Variants in ARHGEF37 observed in about 807,000 individuals in gnomAD.
ARHGEF37 encodes Rho guanine nucleotide exchange factor 37.
A neutral mutation model predicts 71.1 loss-of-function variants in ARHGEF37; 55 were observed. That is an observed-to-expected ratio of 0.77 (90% CI 0.62 to 0.97). The LOEUF (loss-of-function observed/expected upper bound fraction) is 0.97. Ranked by LOEUF, ARHGEF37 falls within the 50% of genes least tolerant of loss-of-function variation. ARHGEF37 has a pLI of 0.00. For missense variants in ARHGEF37, 765 were observed against 836.8 expected, an observed-to-expected ratio of 0.91 and a Z score of 1.06; for synonymous variants, 327 against 350.6, an observed-to-expected ratio of 0.93 and a Z score of 0.75.
At position 149,616,657 on chromosome 5, in the gene ARHGEF37, G is replaced by A; in HGVS notation, c.549G>A (p.Leu183=). ...ACCCACTGCTGCTGCAGAAAATCCT[G>A]GAGAACACAGTCCCTGATGCCAGTG... The part of the protein sequence containing the change: ...TRYPLLLQKI[L]ENTVPDASAY... The change falls in exon 5 of 13, where the codon CTG becomes CTA. Residue 183 remains leucine (L), a synonymous_variant. Transcript: ENST00000333677. The A allele has an allele frequency of 1.2e-6, 2 of 1,613,850 alleles. No homozygotes were observed. Among genetic ancestry groups the A allele is most frequent in the Non-Finnish European group, 1.7e-6 (2 of 1,179,906 alleles).
chr5:149,577,145 C>A (rs960095132), upstream of ARHGEF37, among the ~76,000 whole-genome samples: 3 of 152,038 alleles, frequency 2.0e-5, no homozygotes, highest in East Asian at 5.8e-4. Flanking sequence ...TAATCTTGGA[C>A]AACTTACTTA....
At chr5:149,623,949 C>A (rs1561808808) in intron 9 of ARHGEF37, 63 bp from the exon 10 acceptor site, 2 of 1,525,528 alleles carry the variant, frequency 1.3e-6, no homozygotes, top group Non-Finnish European at 1.8e-6. Context: ...AAACCCAAAG[C>A]AAGCCAGGGA....
chr5:149,624,616 A>T (rs1752628766), intron 10 of ARHGEF37, among the ~76,000 whole-genome samples: 1 of 145,020 alleles, frequency 6.9e-6, no homozygotes, highest in Admixed American at 6.9e-5. Context: ...TCTACTAAAA[A>T]TACAAAAATT....
At chr5:149,600,565 T>TA (rs1417418293) in intron 2 of ARHGEF37, among the ~76,000 whole-genome samples, 1 of 152,166 alleles carries the variant, frequency 6.6e-6, no homozygotes, top group African/African-American at 2.4e-5. Flanking sequence ...AGACCTAGGC[T>TA]AAAACCCCGG....
In ARHGEF37 at chr5:149,618,323, G is replaced by A. The variant is rs1326050138; in HGVS notation, c.789+17G>A. The A allele has an allele frequency of 6.2e-7, 1 of 1,613,966 alleles. No individual in the cohort carries two copies. The highest frequency in any genetic ancestry group is 1.3e-5 in the African/African-American group (1 of 75,050). The stretch of plus-strand genomic sequence containing the variant: ...ATCCCCAGGGTGAGCGTGCGCCTGG[G>A]AGGAAGAGTCACATCCAGCCACCCC... On this transcript the variant is annotated intron_variant, in intron 6 of 12. Coordinates refer to ENST00000333677, the MANE Select transcript of ARHGEF37 (RefSeq NM_001001669.3).
chr5:149,621,967 A>C lies in ARHGEF37; in HGVS notation c.1240A>C (p.Met414Leu). ...AELPQFNQLV[M>L]QWLGQIMCTF... Reference sequence around the variant, plus strand: ...GCTCCCACAGTTTAACCAGCTGGTCATGCAGTGGCTGGGCCAGATCATGTG... The same window carrying C: ...GCTCCCACAGTTTAACCAGCTGGTCCTGCAGTGGCTGGGCCAGATCATGTG... The change falls in exon 9 of 13, where the codon ATG (methionine) becomes CTG (leucine). Residue 414 changes from methionine (M) to leucine (L), a missense_variant. Around this residue, in one of 5 missense-constraint regions of ARHGEF37, gnomAD observed 390 missense variants for 407.4 expected, o/e 0.96. Transcript: ENST00000333677. 1 of 1,614,230 alleles carries C rather than the reference A, an allele frequency of 6.2e-7. No homozygotes were observed. The highest frequency in any genetic ancestry group is 1.7e-5 in the Admixed American group (1 of 60,030).
chr5:149,619,149 C>A (rs1752463521), intron 7 of ARHGEF37, 107 bp downstream of exon 7: 5 of 857,680 alleles, frequency 5.8e-6, no homozygotes, highest in Non-Finnish European at 7.9e-6. Flanking sequence ...GCCTCAGAAA[C>A]CAACCAGATG....
At chr5:149,556,463 C>G (rs1446175334) in intron 1 of ARHGEF37, among the ~76,000 whole-genome samples, 2 of 152,110 alleles carry the variant, frequency 1.3e-5, no homozygotes, top group African/African-American at 2.4e-5. Context: ...TTTTGCCTCA[C>G]TGCAACCTTC....
chr5:149,568,467 A>G (rs1580883108), intron 1 of ARHGEF37, among the ~76,000 whole-genome samples: 1 of 152,288 alleles, frequency 6.6e-6, no homozygotes, highest in South Asian at 2.1e-4. Flanking sequence ...GAAACATACA[A>G]TGTTAGGTGT....
intron 1 of ARHGEF37, among the ~76,000 whole-genome samples, chr5:149,561,026 G>A (rs1762821836): frequency 6.6e-6 from 1 of 152,132 alleles, no homozygotes; most frequent in African/African-American, 2.4e-5. Context: ...TGTAATCCCA[G>A]CACTTTGGGA....
Position 149,621,904 on chromosome 5 carries a change from C to T in ARHGEF37, c.1177C>T (p.His393Tyr). 1 of 1,614,254 alleles carries T rather than the reference C, an allele frequency of 6.2e-7. No individual in the cohort carries two copies. The highest frequency in any genetic ancestry group is 8.5e-7 in the Non-Finnish European group (1 of 1,180,052). The change falls in exon 9 of 13, where the codon CAC becomes TAC. Residue 393 changes from histidine to tyrosine, a missense_variant. Physicochemically the swap from His to Tyr is moderately conservative, Grantham distance 83. This residue lies in a region of ARHGEF37 where 390 missense variants were observed against 407.4 expected (regional missense o/e 0.96). Transcript: ENST00000333677. ...SVTYQEEAARHTYQALNSLLV... is the reference protein window; with the variant it reads ...SVTYQEEAARYTYQALNSLLV... ...GACCTACCAGGAGGAGGCCGCCCGG[C>T]ACACATACCAGGCACTCAACTCGCT...
At chr5:149,602,583 C>A (rs1763787912) in intron 3 of ARHGEF37, among the ~76,000 whole-genome samples, 1 of 151,394 alleles carries the variant, frequency 6.6e-6, no homozygotes, top group African/African-American at 2.4e-5. Context: ...TACCTTCCAG[C>A]CTCAAGGACC....
rs539473297 is a variant in ARHGEF37, at chr5:149,596,755, G to C, written c.-11-1004G>C. Among the ~76,000 whole-genome samples, 129 of 152,312 alleles carry C rather than the reference G, an allele frequency of 8.5e-4. 1 individual carries two copies. The highest frequency in any genetic ancestry group is 2.9e-3 in the African/African-American group (122 of 41,558). On this transcript the variant is annotated intron_variant, in intron 1 of 12. Transcript: ENST00000333677. The stretch of plus-strand genomic sequence containing the variant: ...AGGAACACAGGAGGGGGCATGGCAA[G>C]TGCAAAAGCAGGAAATGCCAATGCA...
intron 4 of ARHGEF37, 27 bp from the exon 5 acceptor site, chr5:149,616,540 C>A: frequency 6.3e-7 from 1 of 1,576,186 alleles, no homozygotes; most frequent in Non-Finnish European, 8.6e-7. Context: ...TGGGATTTAC[C>A]TGCCTAATAC....
chr5:149,563,790 A>T (rs1376667394), intron 1 of ARHGEF37, among the ~76,000 whole-genome samples: 2 of 152,150 alleles, frequency 1.3e-5, no homozygotes, highest in Non-Finnish European at 2.9e-5. Context: ...CAAGGTCATC[A>T]CTGTAGACTT....
At chr5:149,606,159 C>G (rs1222692270) in intron 3 of ARHGEF37, among the ~76,000 whole-genome samples, 1 of 152,118 alleles carries the variant, frequency 6.6e-6, no homozygotes, top group Non-Finnish European at 1.5e-5. Context: ...GAGGACACAC[C>G]CATGTTGAGG....
intron 1 of ARHGEF37, among the ~76,000 whole-genome samples, chr5:149,575,685 T>C (rs1267783845): frequency 6.8e-6 from 1 of 146,030 alleles, no homozygotes; most frequent in African/African-American, 2.5e-5. Flanking sequence ...TTTTTTTTTT[T>C]TTTTTTTTTT....
chr5:149,605,574 TCTGA>T (rs1310009692), intron 3 of ARHGEF37, among the ~76,000 whole-genome samples: 2 of 152,168 alleles, frequency 1.3e-5, no homozygotes, highest in African/African-American at 4.8e-5. Context: ...AGCTTTGGAA[TCTGA>T]CTAACAAGTC....
At chr5:149,628,760 G>A (rs759859496) in intron 11 of ARHGEF37, 49 bp from the exon 12 acceptor site, 5 of 1,556,792 alleles carry the variant, frequency 3.2e-6, no homozygotes, top group Non-Finnish European at 4.4e-6. Context: ...CTCATTAAAA[G>A]GGACGGGAAG....
Sources: gnomAD v4.1 joint callset for allele counts (sites outside exome capture counted in the v4.1 genomes callset) on GRCh38, gnomAD v4.1.1 for gene constraint, gnomAD v4.1.1 regional missense constraint, MANE v1.5 for transcripts, NCBI Gene and HGNC (gene_info 2026-07-23, HGNC 2026-07-21) for gene names.